The following MACF1 variants were observed in gnomAD, a reference collection of about 807,000 sequenced individuals.
MACF1 encodes microtubule-actin cross-linking factor 1.
In MACF1, 193 loss-of-function variants were observed where a neutral mutation model predicts 854.8. The ratio of observed to expected loss-of-function variants is 0.23; its 90% confidence interval spans 0.20 to 0.25. The LOEUF (loss-of-function observed/expected upper bound fraction) is 0.25, where lower values mean the gene tolerates loss of function less well. MACF1 is among the 10% of genes least tolerant of loss of function. The pLI is 1.00. For synonymous variants in MACF1, 3,185 were observed against 3,226.7 expected (o/e 0.99, Z 0.44); for missense variants, 7,722 against 8,929.1 (o/e 0.86, Z 5.45).
intron 58 of MACF1, chr1:39,414,079 G>A (rs1314712294): frequency 1.2e-6 from 2 of 1,606,622 alleles, no homozygotes; most frequent in Non-Finnish European, 1.7e-6. Flanking sequence ...TTCCCCAGCA[G>A]CTTCAGTGCC....
At chr1:39,455,763 G>C (rs616470) in intron 89 of MACF1, among the ~76,000 whole-genome samples, 1 of 152,118 alleles carries the variant, frequency 6.6e-6, no homozygotes, top group Non-Finnish European at 1.5e-5. Context: ...TGAACCCAGT[G>C]GTCAGTGAAG....
At chr1:39,159,981 T>C (rs1363717979) in intron 2 of MACF1, among the ~76,000 whole-genome samples, 1 of 152,138 alleles carries the variant, frequency 6.6e-6, no homozygotes, top group Non-Finnish European at 1.5e-5. Flanking sequence ...TGAAGAACTC[T>C]GGTTCTAAGA....
intron 21 of MACF1, chr1:39,299,199 T>C (rs1645989982): frequency 2.2e-6 from 1 of 456,234 alleles, no homozygotes; most frequent in Non-Finnish European, 4.4e-6. Flanking sequence ...CATTCCTCTT[T>C]CTTAACTAAT....
chr1:39,207,218 A>C (rs377073441), intron 1 of MACF1, among the ~76,000 whole-genome samples: 7 of 148,558 alleles, frequency 4.7e-5, no homozygotes, highest in African/African-American at 1.7e-4. Flanking sequence ...TCACTTTTCT[A>C]TTTGTGTTTA....
At chr1:39,414,432 T>G (rs1240267206) in intron 58 of MACF1, 1 of 1,614,024 alleles carries the variant, frequency 6.2e-7, no homozygotes, top group South Asian at 1.1e-5. Context: ...CAGTGCTACA[T>G]GGGAAAGTGC....
intron 26 of MACF1, 54 bp downstream of exon 26, chr1:39,311,054 T>TC: frequency 1.9e-6 from 3 of 1,566,862 alleles, no homozygotes; most frequent in Non-Finnish European, 2.6e-6. Flanking sequence ...CTTTCAGAGT[T>TC]CATTGGATGG....
chr1:39,360,723 A>T (rs1569699448), intron 47 of MACF1, 70 bp from the exon 48 acceptor site: 107 of 471,266 alleles, frequency 2.3e-4, no homozygotes, highest in Non-Finnish European at 3.3e-4. Flanking sequence ...AATAATATTA[A>T]TAATAAAGTC....
intron 51 of MACF1, among the ~76,000 whole-genome samples, chr1:39,370,917 T>G (rs537149983): frequency 5.8e-4 from 89 of 152,236 alleles, no homozygotes; most frequent in African/African-American, 1.7e-3. Flanking sequence ...TCCAAACAAC[T>G]TAGTAGTTGT....
chr1:39,302,268 G>C (rs915290563), intron 22 of MACF1, among the ~76,000 whole-genome samples: 1 of 152,200 alleles, frequency 6.6e-6, no homozygotes, highest in African/African-American at 2.4e-5. Flanking sequence ...GAAGTGCTGG[G>C]ATTATAGGTG....
chr1:39,095,014 C>T (rs1288330572), intron 2 of MACF1, among the ~76,000 whole-genome samples: 2 of 152,134 alleles, frequency 1.3e-5, no homozygotes, highest in Non-Finnish European at 1.5e-5. Context: ...TGCCACCCTT[C>T]AGGAATCTTC....
At chr1:39,346,298 C>T (rs983756454) in intron 40 of MACF1, among the ~76,000 whole-genome samples, 2 of 151,292 alleles carry the variant, frequency 1.3e-5, no homozygotes, top group Non-Finnish European at 3.0e-5. Flanking sequence ...GGAGGCAGAG[C>T]TTGCAGTGAG....
chr1:39,235,799 A>G (rs1259266708), intron 2 of MACF1, among the ~76,000 whole-genome samples: 3 of 152,152 alleles, frequency 2.0e-5, no homozygotes, highest in African/African-American at 4.8e-5. Flanking sequence ...CGGTGGTACA[A>G]TCATAGCTCA....
chr1:39,451,218 G>C lies in MACF1; in HGVS notation c.20418+7G>C, dbSNP rs371587679. The C allele has an allele frequency of 3.0e-4, 483 of 1,612,906 alleles. No individual in the cohort carries two copies. Among genetic ancestry groups the C allele is most frequent in the Admixed American group, 9.0e-4 (54 of 59,926 alleles). ...CCTCATGGATGCACACAAGGTAGGG[G>C]TGAGGTCTGGGCTACATTGGAGTGC... is the stretch of plus-strand genomic sequence containing the variant. On this transcript the variant is annotated splice_region_variant and intron_variant, in intron 85 of 100. Coordinates refer to ENST00000564288, the MANE Select transcript of MACF1 (RefSeq NM_001394062.1).
intron 2 of MACF1, among the ~76,000 whole-genome samples, chr1:39,163,340 C>CAAAAAAA (rs11371076): frequency 3.9e-4 from 31 of 79,954 alleles, no homozygotes; most frequent in Admixed American, 6.7e-4. Flanking sequence ...AAGACTGTCT[C>CAAAAAAA]AAAAAAAAAA....
At position 39,376,874 on chromosome 1, in the gene MACF1, CCTGA is replaced by C. The variant is rs374742733; in HGVS notation, c.13214-1584_13214-1581del. Among the ~76,000 whole-genome samples, 84 of 151,844 alleles carry C rather than the reference CCTGA, an allele frequency of 5.5e-4. 2 individuals carry two copies. The highest frequency in any genetic ancestry group is 3.7e-4 in the Non-Finnish European group (25 of 67,966). On this transcript the variant is annotated intron_variant, in intron 52 of 100. Transcript: ENST00000564288. Reference sequence around the variant, plus strand: ...AGGACCACAAATGTGCACTGTCATGCCTGACTAATTTTTTTTTTTTTTAATATTT... The same window carrying C: ...AGGACCACAAATGTGCACTGTCATGCCTAATTTTTTTTTTTTTTAATATTT...
At chr1:39,223,469 T>C (rs1644677587) in intron 1 of MACF1, among the ~76,000 whole-genome samples, 1 of 152,166 alleles carries the variant, frequency 6.6e-6, no homozygotes, top group Admixed American at 6.5e-5. Context: ...AAAGAATAGA[T>C]ACAAGGTGCT....
intron 58 of MACF1, among the ~76,000 whole-genome samples, 177 bp downstream of exon 58, chr1:39,388,835 T>C (rs189490233): frequency 2.2e-4 from 34 of 151,214 alleles, no homozygotes; most frequent in African/African-American, 7.8e-4. Flanking sequence ...AGCAAACTGG[T>C]TTGAGCATTT....
At chr1:39,402,499 C>T (rs889694625) in intron 58 of MACF1, among the ~76,000 whole-genome samples, 9 of 152,006 alleles carry the variant, frequency 5.9e-5, no homozygotes, top group African/African-American at 1.9e-4. Context: ...AGAGAATCAA[C>T]GATATAACCT....
chr1:39,459,747 G>C (rs569495917), intron 91 of MACF1: 2 of 1,068,844 alleles, frequency 1.9e-6, no homozygotes. Flanking sequence ...AAAAAATATA[G>C]TACTATGCTT....
Sources: allele counts gnomAD v4.1 joint callset (sites outside exome capture counted in the v4.1 genomes callset), GRCh38; gene constraint gnomAD v4.1.1; transcripts MANE v1.5; gene names NCBI Gene and HGNC (gene_info 2026-07-23, HGNC 2026-07-21).